The following OR2L13 variants were observed in gnomAD, a reference collection of about 807,000 sequenced individuals.
OR2L13 encodes olfactory receptor 2L13.
In OR2L13, 14 loss-of-function variants were observed where a neutral mutation model predicts 15.3. The ratio of observed to expected loss-of-function variants is 0.91; its 90% CI spans 0.60 to 1.43. OR2L13 has a LOEUF of 1.43. OR2L13 is among the 40% of genes most tolerant of loss of function. The pLI is 0.00. For synonymous variants in OR2L13, 152 were observed against 142.9 expected (o/e 1.06, Z -0.45); for missense variants, 367 against 387.9 (o/e 0.95, Z 0.45).
chr1:248,076,389 A>C, the OR2L13 span, among the ~76,000 whole-genome samples: 1 of 152,172 alleles, frequency 6.6e-6, no homozygotes, highest in Non-Finnish European at 1.5e-5. Flanking sequence ...GAAGGAAGTC[A>C]TTGGTAGCTT....
At chr1:247,990,374 G>A in the OR2L13 span, 9 of 1,568,662 alleles carry the variant, frequency 5.7e-6, no homozygotes, top group African/African-American at 1.2e-4. Context: ...TTTTCCTAAT[G>A]GCTCTAATTG....
chr1:248,043,638 A>G, the OR2L13 span, among the ~76,000 whole-genome samples: 2 of 152,202 alleles, frequency 1.3e-5, no homozygotes, highest in African/African-American at 4.8e-5. Flanking sequence ...GTCCTGATCC[A>G]GACCCCAAAA....
the OR2L13 span, among the ~76,000 whole-genome samples, chr1:248,007,859 CTCTT>C: frequency 6.6e-6 from 1 of 152,132 alleles, no homozygotes; most frequent in Non-Finnish European, 1.5e-5. Context: ...GACATGAGTA[CTCTT>C]TCTATTTTGA....
the OR2L13 span, among the ~76,000 whole-genome samples, chr1:248,054,424 C>A: frequency 6.6e-6 from 1 of 151,414 alleles, no homozygotes; most frequent in Non-Finnish European, 1.5e-5. Flanking sequence ...GCTATGCAAG[C>A]TCTTTTTTGG....
At chr1:248,081,866 A>G in the OR2L13 span, among the ~76,000 whole-genome samples, 1 of 152,242 alleles carries the variant, frequency 6.6e-6, no homozygotes, top group East Asian at 1.9e-4. Context: ...GCTCTATATG[A>G]AGCAGGAAAC....
upstream of OR2L13, among the ~76,000 whole-genome samples, chr1:248,093,313 G>C (rs1331505285): frequency 6.6e-6 from 1 of 152,134 alleles, no homozygotes; most frequent in Admixed American, 6.6e-5. Flanking sequence ...ATAAATCTGA[G>C]ATGTATTGTC....
the OR2L13 span, among the ~76,000 whole-genome samples, chr1:247,941,733 A>T: frequency 6.6e-6 from 1 of 152,156 alleles, no homozygotes; most frequent in Non-Finnish European, 1.5e-5. Flanking sequence ...TACCTATAGA[A>T]CCTAGTGATG....
At chr1:248,025,786 C>T in the OR2L13 span, among the ~76,000 whole-genome samples, 2 of 151,912 alleles carry the variant, frequency 1.3e-5, no homozygotes, top group Middle Eastern at 3.4e-3. Context: ...AGGATGAGTT[C>T]ATGTCCTTTG....
the OR2L13 span, among the ~76,000 whole-genome samples, chr1:247,976,549 G>C: frequency 0.074 from 11,198 of 152,190 alleles, 503 homozygotes; most frequent in East Asian, 0.19. Context: ...TATAATTTGA[G>C]TGTAGTAATC....
At chr1:248,052,478 C>G in the OR2L13 span, among the ~76,000 whole-genome samples, 4 of 152,074 alleles carry the variant, frequency 2.6e-5, no homozygotes, top group Non-Finnish European at 5.9e-5. Flanking sequence ...CCGGTAATCC[C>G]AGCACTTTGG....
the OR2L13 span, chr1:248,003,214 C>T: frequency 3.9e-6 from 6 of 1,519,400 alleles, no homozygotes; most frequent in South Asian, 1.1e-5. Context: ...TCCTCTTCAT[C>T]CTCATTGTTT....
the OR2L13 span, among the ~76,000 whole-genome samples, chr1:248,049,368 G>T: frequency 6.6e-6 from 1 of 152,168 alleles, no homozygotes; most frequent in Non-Finnish European, 1.5e-5. Context: ...TTAGTAATAG[G>T]TTCTTCATTT....
the OR2L13 span, among the ~76,000 whole-genome samples, chr1:247,981,935 C>G: frequency 1.3e-5 from 2 of 151,852 alleles, no homozygotes; most frequent in Admixed American, 1.3e-4. Context: ...CCTGCCTCAG[C>G]CTCCCGAGTA....
At chr1:247,948,560 G>T in the OR2L13 span, among the ~76,000 whole-genome samples, 1 of 152,098 alleles carries the variant, frequency 6.6e-6, no homozygotes, top group Non-Finnish European at 1.5e-5. Context: ...TCTGAGTACA[G>T]TACAATAAAA....
chr1:247,966,288 G>C, the OR2L13 span: 5 of 1,613,802 alleles, frequency 3.1e-6, no homozygotes, highest in Non-Finnish European at 4.2e-6. Context: ...TGAGGAGACT[G>C]TTGGGATATT....
At chr1:247,943,959 G>A in the OR2L13 span, among the ~76,000 whole-genome samples, 1 of 152,038 alleles carries the variant, frequency 6.6e-6, no homozygotes, top group Non-Finnish European at 1.5e-5. Context: ...TCCACGAGTG[G>A]ACTTAGTTCC....
the OR2L13 span, among the ~76,000 whole-genome samples, chr1:248,027,590 C>T: frequency 6.6e-6 from 1 of 152,074 alleles, no homozygotes; most frequent in South Asian, 2.1e-4. Flanking sequence ...GTCCTCTGTC[C>T]CTTTATTTCT....
the OR2L13 span, among the ~76,000 whole-genome samples, chr1:248,051,872 G>C: frequency 6.6e-6 from 1 of 151,986 alleles, no homozygotes; most frequent in East Asian, 1.9e-4. Flanking sequence ...CAATGCAGAT[G>C]GTTCCAGGTT....
the OR2L13 span, among the ~76,000 whole-genome samples, chr1:247,996,671 A>G: frequency 6.6e-6 from 1 of 152,180 alleles, no homozygotes; most frequent in African/African-American, 2.4e-5. Flanking sequence ...ACACCTAAAC[A>G]TCTTTCTTTT....
Sources: allele counts gnomAD v4.1 joint callset (sites outside exome capture counted in the v4.1 genomes callset), GRCh38; gene constraint gnomAD v4.1.1; transcripts MANE v1.5; gene names NCBI Gene and HGNC (gene_info 2026-07-23, HGNC 2026-07-21).